The following GKN2 variants were observed in gnomAD, a reference collection of about 807,000 sequenced individuals.
The protein encoded by GKN2 is gastrokine-2.
GKN2 carries 17 observed loss-of-function variants against 22.7 expected under a neutral mutation model. That is an observed-to-expected ratio of 0.75 (90% CI 0.51 to 1.13). The LOEUF (loss-of-function observed/expected upper bound fraction) is 1.13. Among genes scored for constraint, GKN2 ranks in the 50% most tolerant of loss-of-function variants. GKN2 has a pLI of 0.00. For missense variants in GKN2, 248 were observed against 221.4 expected (o/e 1.12, Z -0.76); for synonymous variants, 82 against 79.6 (o/e 1.03, Z -0.16).
At chr2:68,950,482 G>A (rs1390950624) in intron 2 of GKN2, among the ~76,000 whole-genome samples, 2 of 152,212 alleles carry the variant, frequency 1.3e-5, no homozygotes, top group African/African-American at 4.8e-5. Flanking sequence ...GATATCACAA[G>A]AGAAATGAGA....
Position 68,950,775 on chromosome 2 carries a change from C to T in GKN2, c.13-20G>A, listed in dbSNP as rs1349748437. ...TGCCACCTGAAAAACAGACCCACCA[C>T]ATCCATTCTTTATAGGGTAGTCATT... On this transcript the variant is annotated intron_variant, in intron 1 of 5. Transcript: ENST00000328895. 17 of 1,613,638 alleles carry T rather than the reference C, an allele frequency of 1.1e-5. No individual in the cohort carries two copies. Among genetic ancestry groups the T allele is most frequent in the African/African-American group, 1.3e-5 (1 of 75,038 alleles).
In GKN2 at chr2:68,950,708, T is replaced by C; in HGVS notation, c.60A>G (p.Gly20=). The change falls in exon 2 of 6, where the codon GGA becomes GGG. Residue 20 remains glycine, a synonymous_variant. Coordinates refer to ENST00000328895, the MANE Select transcript of GKN2 (RefSeq NM_182536.3). Reference sequence around the variant, plus strand: ...CCATAAGGAACCAACTCACCTCGTATCCATGAGATTGTATCCCAAAGATGG... The same window carrying C: ...CCATAAGGAACCAACTCACCTCGTACCCATGAGATTGTATCCCAAAGATGG... ...VLTIFGIQSH[G]YEVFNIISPS... 1 of 1,614,008 alleles carries C rather than the reference T, an allele frequency of 6.2e-7. No homozygotes were observed. Among genetic ancestry groups the C allele is most frequent in the East Asian group, 2.2e-5 (1 of 44,884 alleles).
At chr2:68,949,620 A>G (rs1669825069) in intron 3 of GKN2, among the ~76,000 whole-genome samples, 1 of 151,958 alleles carries the variant, frequency 6.6e-6, no homozygotes, top group African/African-American at 2.4e-5. Flanking sequence ...GGATTCTGCC[A>G]TGTTGCCCAG....
intron 1 of GKN2, 131 bp from the exon 2 acceptor site, chr2:68,950,886 T>G: frequency 1.2e-6 from 1 of 818,668 alleles, no homozygotes; most frequent in Admixed American, 2.0e-5. Context: ...TGGCCACAGA[T>G]GGTCAGCACT....
At chr2:68,946,001 A>G (rs1669759812) in intron 5 of GKN2, 1 of 391,282 alleles carries the variant, frequency 2.6e-6, no homozygotes, top group Admixed American at 4.2e-5. Flanking sequence ...TGAAATTCTT[A>G]CATATGAAAG....
intron 2 of GKN2, 97 bp from the exon 3 acceptor site, chr2:68,950,360 AG>A: frequency 7.9e-7 from 1 of 1,258,168 alleles, no homozygotes; most frequent in Non-Finnish European, 1.1e-6. Flanking sequence ...GCTATGAACA[AG>A]GGATTAAAAA....
chr2:68,947,369 T>C, intron 3 of GKN2, 112 bp from the exon 4 acceptor site: 1 of 680,286 alleles, frequency 1.5e-6, no homozygotes, highest in South Asian at 1.7e-5. Context: ...AGTGAATATA[T>C]GGTGGGATTG....
Position 68,945,798 on chromosome 2 carries a change from A to G in GKN2, c.473-348T>C, listed in dbSNP as rs1293171955. The G allele has an allele frequency of 2.2e-5, 5 of 228,864 alleles. No individual in the cohort carries two copies. The East Asian group carries it at 4.5e-4, about 21-fold the overall frequency. The allele number at this position is 228,864 out of a possible 1,614,324, so 14.2% of individuals were successfully genotyped here. ...TGCCACATTTAGAAACTTTGTATAAAAATGACAGTAATATCTGCAGTGGCA... is the reference window on the plus strand; with the variant it reads ...TGCCACATTTAGAAACTTTGTATAAGAATGACAGTAATATCTGCAGTGGCA... On this transcript the variant is annotated intron_variant, in intron 5 of 5. Coordinates refer to ENST00000328895, the MANE Select transcript of GKN2 (RefSeq NM_182536.3).
intron 4 of GKN2, 95 bp downstream of exon 4, chr2:68,947,052 A>T (rs1669781409): frequency 4.0e-6 from 3 of 755,206 alleles, no homozygotes; most frequent in Non-Finnish European, 7.2e-6. Flanking sequence ...AAGGCATGAT[A>T]GTATGATCTT....
At chr2:68,945,587 C>T (rs928533806) in intron 5 of GKN2, 137 bp from the exon 6 acceptor site, 11 of 612,884 alleles carry the variant, frequency 1.8e-5, no homozygotes, top group African/African-American at 1.7e-4. Context: ...TGATATTATG[C>T]CATTCTGTGT....
At position 68,950,690 on chromosome 2, in the gene GKN2, G is replaced by C. The variant is rs1388940187; in HGVS notation, c.66+12C>G. ...ATCTCTAAGAGATAAAGTCCATAAG[G>C]AACCAACTCACCTCGTATCCATGAG... On this transcript the variant is annotated intron_variant, in intron 2 of 5. Transcript: ENST00000328895. 6.2e-7 allele frequency: 1 copy of C among 1,612,932 alleles called. No homozygotes were observed. Among genetic ancestry groups the C allele is most frequent in the Non-Finnish European group, 8.5e-7 (1 of 1,179,046 alleles).
chr2:68,951,953 C>G (rs559002000), intron 1 of GKN2, among the ~76,000 whole-genome samples: 7 of 152,344 alleles, frequency 4.6e-5, no homozygotes, highest in Middle Eastern at 3.4e-3. Flanking sequence ...AAAATCAAGA[C>G]AGCCCTGAGA....
rs895501714 is a variant in GKN2 at position 68,947,223 on chromosome 2, G to C, written c.239C>G (p.Ala80Gly). 4 of 1,613,736 alleles carry C rather than the reference G, an allele frequency of 2.5e-6. No homozygotes were observed. The highest frequency in any genetic ancestry group is 3.4e-6 in the Non-Finnish European group (4 of 1,179,796). Residue 80 changes from alanine (A) to glycine (G), a missense_variant, in exon 4 of 6, where the codon GCC (alanine) becomes GGC (glycine). By Grantham distance (60) the Ala-to-Gly change is moderately conservative. Transcript: ENST00000328895. ...ATGGTCCATCTTCAGGATAAAGCAG[G>C]CTCTTCGGGAGAGCACCCTGGATGC... Reference protein sequence around the residue: ...YIASRVLSRRACFILKMDHQN... With the variant: ...YIASRVLSRRGCFILKMDHQN...
chr2:68,951,799 C>T (rs951853928), intron 1 of GKN2, among the ~76,000 whole-genome samples: 4 of 152,168 alleles, frequency 2.6e-5, no homozygotes, highest in African/African-American at 7.2e-5. Flanking sequence ...AACAAGTAGT[C>T]GAAGGACTAA....
intron 2 of GKN2, 124 bp from the exon 3 acceptor site, chr2:68,950,387 G>A (rs1185374900): frequency 5.4e-6 from 5 of 925,776 alleles, no homozygotes; most frequent in Admixed American, 3.0e-5. Flanking sequence ...ACTGTCCACT[G>A]GGGTCCCAAT....
intron 3 of GKN2, among the ~76,000 whole-genome samples, chr2:68,947,950 A>AACTGT (rs1367566172): frequency 6.6e-6 from 1 of 152,074 alleles, no homozygotes; most frequent in Non-Finnish European, 1.5e-5. Flanking sequence ...TATTTTTTAG[A>AACTGT]ACTGTGCTGT....
At chr2:68,951,865 G>C (rs868285078) in intron 1 of GKN2, among the ~76,000 whole-genome samples, 1 of 152,200 alleles carries the variant, frequency 6.6e-6, no homozygotes, top group Non-Finnish European at 1.5e-5. Context: ...GCCCCAAAAT[G>C]ATCTCCCTTC....
intron 3 of GKN2, 78 bp downstream of exon 3, chr2:68,950,048 A>T: frequency 8.7e-7 from 1 of 1,144,624 alleles, no homozygotes; most frequent in Non-Finnish European, 1.2e-6. Context: ...TCAAGTATAT[A>T]TGCCCCATAT....
At chr2:68,951,751 C>T (rs1040051194) in intron 1 of GKN2, among the ~76,000 whole-genome samples, 1 of 152,176 alleles carries the variant, frequency 6.6e-6, no homozygotes, top group Non-Finnish European at 1.5e-5. Flanking sequence ...TATGATACTC[C>T]CGTATATTCT....
Sources: gnomAD v4.1 joint callset for allele counts (sites outside exome capture counted in the v4.1 genomes callset) on GRCh38, gnomAD v4.1.1 for gene constraint, MANE v1.5 for transcripts, NCBI Gene and HGNC (gene_info 2026-07-23, HGNC 2026-07-21) for gene names.